Variants in NSUN2 observed in about 807,000 individuals in gnomAD.
NSUN2 encodes NOP2/Sun RNA methyltransferase 2.
NSUN2 carries 63 observed loss-of-function variants against 92.7 expected under a neutral mutation model. The ratio of observed to expected loss-of-function variants is 0.68; its 90% CI spans 0.56 to 0.84. NSUN2 has a LOEUF of 0.84. NSUN2 is among the 40% of genes least tolerant of loss of function. The pLI, the probability that NSUN2 is intolerant of heterozygous loss-of-function variation, is 0.00. For missense variants in NSUN2, 989 were observed against 964.9 expected (o/e 1.02, Z -0.33); for synonymous variants, 356 against 348.3 (o/e 1.02, Z -0.25).
At chr5:6,630,254 T>C (rs907465028) in intron 3 of NSUN2, among the ~76,000 whole-genome samples, 1 of 152,178 alleles carries the variant, frequency 6.6e-6, no homozygotes, top group African/African-American at 2.4e-5. Flanking sequence ...CCCGTATCAT[T>C]TTCCTATACT....
intron 3 of NSUN2, among the ~76,000 whole-genome samples, chr5:6,628,906 G>A (rs1045675175): frequency 2.0e-5 from 3 of 152,072 alleles, no homozygotes; most frequent in Admixed American, 6.6e-5. Flanking sequence ...TTAGCCAGGC[G>A]TGGTGGCATG....
chr5:6,611,166 C>G (rs1736974330), intron 10 of NSUN2, 81 bp from the exon 11 acceptor site: 2 of 1,482,864 alleles, frequency 1.3e-6, no homozygotes, highest in African/African-American at 2.8e-5. Flanking sequence ...TATCCATTCT[C>G]TCAAAGGTGA....
intron 9 of NSUN2, among the ~76,000 whole-genome samples, chr5:6,614,089 G>A (rs1186636662): frequency 2.2e-5 from 2 of 92,530 alleles, no homozygotes; most frequent in Non-Finnish European, 3.8e-5. Flanking sequence ...GAGCGAGACT[G>A]TCTCGGAAAA....
intron 9 of NSUN2, among the ~76,000 whole-genome samples, chr5:6,612,270 C>G (rs1333138360): frequency 6.6e-6 from 1 of 152,222 alleles, no homozygotes; most frequent in Non-Finnish European, 1.5e-5. Context: ...TCTCCCCATT[C>G]CAATGCACAC....
rs765960947 is a variant in NSUN2 at position 6,600,100 on chromosome 5, C to T, written c.2130G>A (p.Lys710=). ...RMMGLEVLGE[K]KKEGVILTNE... is the part of the protein sequence containing the mutation. ...TTGTGAGGATAACCCCTTCCTTCTT[C>T]TTTTCTCCCAATACCTCCAGCCCCA... Residue 710 remains lysine, a synonymous_variant, in exon 19 of 19, where the codon AAG becomes AAA. Coordinates refer to ENST00000264670, the MANE Select transcript of NSUN2 (RefSeq NM_017755.6). 2 of 1,614,222 alleles carry T rather than the reference C, an allele frequency of 1.2e-6. No homozygotes were observed. The highest frequency in any genetic ancestry group is 1.7e-6 in the Non-Finnish European group (2 of 1,180,034).
At chr5:6,606,796 T>G in intron 14 of NSUN2, 24 bp downstream of exon 14, 1 of 1,318,606 alleles carries the variant, frequency 7.6e-7, no homozygotes, top group Non-Finnish European at 1.1e-6. Context: ...TTTAAATGAA[T>G]AATTAAAAAG....
At chr5:6,602,627 T>C in intron 17 of NSUN2, 127 bp from the exon 18 acceptor site, 1 of 928,306 alleles carries the variant, frequency 1.1e-6, no homozygotes, top group Non-Finnish European at 1.8e-6. Context: ...ATCTACATTC[T>C]TGGCTTCAAG....
intron 15 of NSUN2, 171 bp from the exon 16 acceptor site, chr5:6,604,856 C>T (rs887920341): frequency 9.4e-6 from 6 of 635,636 alleles, no homozygotes; most frequent in African/African-American, 5.5e-5. Context: ...CTTGTGATTA[C>T]GTCGTTTGGA....
At chr5:6,601,354 C>T (rs1324836938) in intron 18 of NSUN2, among the ~76,000 whole-genome samples, 1 of 152,062 alleles carries the variant, frequency 6.6e-6, no homozygotes, top group African/African-American at 2.4e-5. Context: ...TAAAAACACC[C>T]AGAAGCCATC....
intron 7 of NSUN2, 113 bp downstream of exon 7, chr5:6,619,993 G>T: frequency 2.3e-6 from 2 of 864,150 alleles, no homozygotes; most frequent in Non-Finnish European, 3.4e-6. Flanking sequence ...ATCTTTCTCC[G>T]CACCCCAAGA....
intron 9 of NSUN2, among the ~76,000 whole-genome samples, chr5:6,612,595 C>T (rs1737046194): frequency 6.6e-6 from 1 of 152,310 alleles, no homozygotes; most frequent in South Asian, 2.1e-4. Context: ...TTCAACAAAT[C>T]TCCCAGAAAA....
At chr5:6,626,627 GC>G (rs1325755780) in intron 3 of NSUN2, among the ~76,000 whole-genome samples, 1 of 152,166 alleles carries the variant, frequency 6.6e-6, no homozygotes, top group African/African-American at 2.4e-5. Context: ...GGGATTACAG[GC>G]ATGAGCCACT....
In NSUN2 at chr5:6,631,825, G is replaced by C. The variant is rs762012216; in HGVS notation, c.359+48C>G. ...CAAGAAATATAATTCAAGTGATAGAGATTAATATCCCAAATAAATATTCGG... is the reference window on the plus strand; with the variant it reads ...CAAGAAATATAATTCAAGTGATAGACATTAATATCCCAAATAAATATTCGG... On this transcript the variant is annotated intron_variant, in intron 3 of 18. Coordinates refer to ENST00000264670, the MANE Select transcript of NSUN2 (RefSeq NM_017755.6). 4 of 1,316,878 alleles carry C rather than the reference G, an allele frequency of 3.0e-6. No homozygotes were observed. In the African/African-American group the frequency reaches 4.4e-5, roughly 14 times the overall value. 81.6% of individuals were successfully genotyped at this position (1,316,878 alleles called of 1,614,324 possible).
intron 9 of NSUN2, among the ~76,000 whole-genome samples, chr5:6,614,645 T>C (rs1034671268): frequency 4.6e-5 from 7 of 152,086 alleles, no homozygotes; most frequent in Non-Finnish European, 7.4e-5. Flanking sequence ...CCTTCAAACG[T>C]TGGCACGTTC....
chr5:6,615,529 C>T (rs1737177151), intron 9 of NSUN2, among the ~76,000 whole-genome samples: 1 of 152,220 alleles, frequency 6.6e-6, no homozygotes, highest in African/African-American at 2.4e-5. Flanking sequence ...AAGAAAACAT[C>T]ACCCAGAAAT....
chr5:6,616,898 C>A lies in NSUN2; in HGVS notation c.891-41G>T, dbSNP rs6887702. ...AGATGACTGCAAGGCCAAATGTATC[C>A]ATGAAGTGCACATATTAGAAGCACC... On this transcript the variant is annotated intron_variant, in intron 8 of 18. Transcript: ENST00000264670. 1,068,987 of 1,579,548 alleles carry A rather than the reference C, an allele frequency of 0.68. 363,805 individuals carry two copies. Among genetic ancestry groups the A allele is most frequent in the Middle Eastern group, 0.74 (4,387 of 5,958 alleles).
rs768393616 is a variant in NSUN2 at position 6,632,688 on chromosome 5, G to A, written c.165C>T (p.Leu55=). 1.2e-5 allele frequency: 20 copies of A among 1,614,018 alleles called. No homozygotes were observed. The highest frequency in any genetic ancestry group is 1.5e-5 in the Non-Finnish European group (18 of 1,180,028). Residue 55 remains leucine, a synonymous_variant, in exon 2 of 19, where the codon CTC becomes CTT. Transcript: ENST00000264670. ...CCCACTCGCCCTCGGGCACGATCTT[G>A]AGCTCCTGGTAGTAGTGCTCGAACA... The part of the protein sequence containing the change: ...NKLFEHYYQE[L]KIVPEGEWGQ...
At chr5:6,627,344 T>C (rs1242645234) in intron 3 of NSUN2, among the ~76,000 whole-genome samples, 1 of 152,228 alleles carries the variant, frequency 6.6e-6, no homozygotes, top group Non-Finnish European at 1.5e-5. Flanking sequence ...CCAGCTCATA[T>C]AGTATCTGGT....
chr5:6,601,853 G>A (rs967346804), intron 18 of NSUN2, among the ~76,000 whole-genome samples: 9 of 152,124 alleles, frequency 5.9e-5, no homozygotes, highest in African/African-American at 9.7e-5. Context: ...GGTGAGATCC[G>A]AATTCTGCCA....
Sources: gnomAD v4.1 joint callset for allele counts (sites outside exome capture counted in the v4.1 genomes callset) on GRCh38, gnomAD v4.1.1 for gene constraint, MANE v1.5 for transcripts, NCBI Gene and HGNC (gene_info 2026-07-23, HGNC 2026-07-21) for gene names.